Variants in PRKAG2 observed in about 807,000 individuals in gnomAD.
The protein encoded by PRKAG2 is protein kinase AMP-activated non-catalytic subunit gamma 2.
A neutral mutation model predicts 69.6 loss-of-function variants in PRKAG2; 26 were observed. The observed-to-expected ratio is 0.37, with a 90% confidence interval of 0.27 to 0.52. PRKAG2 has a LOEUF of 0.52. Among genes scored for constraint, PRKAG2 ranks in the 20% least tolerant of loss-of-function variants. PRKAG2 has a pLI of 0.90. For synonymous variants in PRKAG2, 293 were observed against 285.0 expected (o/e 1.03, Z -0.28); for missense variants, 557 against 740.0 (o/e 0.75, Z 2.87).
chr7:151,699,390 C>T lies in PRKAG2; in HGVS notation c.467-23753G>A, dbSNP rs1452066153. On this transcript the variant is annotated intron_variant, in intron 3 of 15. Coordinates refer to ENST00000287878, the MANE Select transcript of PRKAG2 (RefSeq NM_016203.4). The surrounding 1 kb of genome is among the most constrained non-coding windows in gnomAD (Gnocchi z 4.5). ...TTACGATCCGGTTACATCTCAGCCC[C>T]CTGCTGAGAAAGAGGCGCTAAGGTG... is the stretch of plus-strand genomic sequence containing the variant. Among the ~76,000 whole-genome samples, 1 of 152,168 alleles carries T rather than the reference C, an allele frequency of 6.6e-6. No individual in the cohort carries two copies. The highest frequency in any genetic ancestry group is 1.5e-5 in the Non-Finnish European group (1 of 68,040).
At position 151,709,640 on chromosome 7, in the gene PRKAG2, G is replaced by A. The variant is rs376096904; in HGVS notation, c.467-34003C>T. On this transcript the variant is annotated intron_variant, in intron 3 of 15. Coordinates refer to ENST00000287878, the MANE Select transcript of PRKAG2 (RefSeq NM_016203.4). ...GTGACACTGACACATGTGACTGTCA[G>A]TGACATGATATATGTGACACTGAAT... Among the ~76,000 whole-genome samples the A allele has an allele frequency of 1.5e-3, 224 of 152,294 alleles. 1 individual carries two copies. Among genetic ancestry groups the A allele is most frequent in the African/African-American group, 5.1e-3 (213 of 41,560 alleles).
chr7:151,753,189 C>G (rs749000432), intron 3 of PRKAG2, among the ~76,000 whole-genome samples: 2 of 152,198 alleles, frequency 1.3e-5, no homozygotes, highest in African/African-American at 2.4e-5. Flanking sequence ...GAAAGGACAA[C>G]GAAACAAAAC....
intron 11 of PRKAG2, chr7:151,566,624 T>C (rs1283619922): frequency 4.5e-6 from 2 of 444,270 alleles, no homozygotes; most frequent in African/African-American, 2.0e-5. Flanking sequence ...CTTATAATTA[T>C]CAGGAAAAGA....
intron 3 of PRKAG2, among the ~76,000 whole-genome samples, chr7:151,726,767 T>G (rs557725127): frequency 6.6e-6 from 1 of 151,080 alleles, no homozygotes; most frequent in African/African-American, 2.4e-5. Context: ...TGGGAGAGAG[T>G]ATGGGGAGCT....
intron 4 of PRKAG2, among the ~76,000 whole-genome samples, chr7:151,642,624 T>A (rs1826923524): frequency 6.6e-6 from 1 of 152,242 alleles, no homozygotes; most frequent in South Asian, 2.1e-4. Context: ...TGAATAACAA[T>A]TTCAGATGCT....
chr7:151,564,353 A>G, intron 13 of PRKAG2, 129 bp from the exon 14 acceptor site: 1 of 947,596 alleles, frequency 1.1e-6, no homozygotes, highest in African/African-American at 1.6e-5. Context: ...ACCTGCATAC[A>G]TCAGACGTTC....
chr7:151,871,557 C>T (rs896208477), intron 1 of PRKAG2, among the ~76,000 whole-genome samples: 4 of 152,328 alleles, frequency 2.6e-5, no homozygotes, highest in South Asian at 2.1e-4. Flanking sequence ...CCAAGCAAGG[C>T]GACACCTTCG....
rs184919758 is a variant in PRKAG2, at chr7:151,814,367, C to T, written c.115-27826G>A. On this transcript the variant is annotated intron_variant, in intron 1 of 15. Transcript: ENST00000287878. The surrounding 1 kb of genome is among the most constrained non-coding windows in gnomAD (Gnocchi z 4.8). Reference sequence around the variant, plus strand: ...AGGGGGAAAACCGCACACCCAGGGACGCACAATCACTATGCATTTAGAAAG... The same window carrying T: ...AGGGGGAAAACCGCACACCCAGGGATGCACAATCACTATGCATTTAGAAAG... The T allele has an allele frequency of 8.2e-4, 967 of 1,173,926 alleles. 1 individual carries two copies. The highest frequency in any genetic ancestry group is 9.4e-4 in the Non-Finnish European group (884 of 942,902). The allele number at this position is 1,173,926 out of a possible 1,614,324, so 72.7% of individuals were successfully genotyped here. A position where few individuals can be genotyped will look rare whatever the true frequency, so the allele number is the denominator to read the frequency against.
intron 6 of PRKAG2, among the ~76,000 whole-genome samples, chr7:151,582,071 C>T (rs955232525): frequency 5.9e-5 from 9 of 152,198 alleles, no homozygotes; most frequent in African/African-American, 2.2e-4. Context: ...GACACTGATG[C>T]TGCGTGGTCA....
chr7:151,727,936 C>T (rs1413671220), intron 3 of PRKAG2, among the ~76,000 whole-genome samples: 1 of 152,214 alleles, frequency 6.6e-6, no homozygotes, highest in Non-Finnish European at 1.5e-5. Context: ...CCTTCCTCCT[C>T]CTGCAGTCAT....
chr7:151,753,147 T>C (rs2074830993), intron 3 of PRKAG2, among the ~76,000 whole-genome samples: 1 of 152,232 alleles, frequency 6.6e-6, no homozygotes, highest in South Asian at 2.1e-4. Context: ...GAGACAGGAC[T>C]GAGGAGCTGT....
chr7:151,845,024 G>A (rs949164804), intron 1 of PRKAG2, among the ~76,000 whole-genome samples: 2 of 150,164 alleles, frequency 1.3e-5, no homozygotes, highest in African/African-American at 2.5e-5. Context: ...CAGGGATGGC[G>A]GCAGGCAGCC....
intron 4 of PRKAG2, chr7:151,674,801 G>A (rs1011305960): frequency 6.3e-6 from 1 of 158,676 alleles, no homozygotes; most frequent in African/African-American, 2.4e-5. Flanking sequence ...TATGAATACT[G>A]TAGTATCCCA....
chr7:151,716,040 G>C (rs948943698), intron 3 of PRKAG2, among the ~76,000 whole-genome samples: 12 of 152,190 alleles, frequency 7.9e-5, no homozygotes, highest in African/African-American at 2.7e-4. Flanking sequence ...GATGGAGCTC[G>C]ATTGCCCTTG....
chr7:151,830,559 T>C (rs2079000753), intron 1 of PRKAG2, among the ~76,000 whole-genome samples: 1 of 151,856 alleles, frequency 6.6e-6, no homozygotes, highest in Admixed American at 6.5e-5. Flanking sequence ...GCCCCTACAG[T>C]GTGACCTGAG....
chr7:151,746,776 T>A (rs2074308554), intron 3 of PRKAG2, among the ~76,000 whole-genome samples: 1 of 152,164 alleles, frequency 6.6e-6, no homozygotes, highest in Non-Finnish European at 1.5e-5. Context: ...GAGAGAGCGC[T>A]GGGCTCCACG....
chr7:151,602,644 T>C (rs1352164827), intron 5 of PRKAG2, among the ~76,000 whole-genome samples: 2 of 152,182 alleles, frequency 1.3e-5, no homozygotes, highest in African/African-American at 4.8e-5. Context: ...CATATCAGGT[T>C]CCCCCAAGTT....
rs576944262 is a variant in PRKAG2 at position 151,569,178 on chromosome 7, G to C, written c.1107-336C>G. On this transcript the variant is annotated intron_variant, in intron 10 of 15. Transcript: ENST00000287878. ...GATCCTCCCACCTCAGCCTATTTGA[G>C]TAGCTGGGACTACAGGCATGCGCCA... Among the ~76,000 whole-genome samples, 3 of 152,248 alleles carry C rather than the reference G, an allele frequency of 2.0e-5. No individual in the cohort carries two copies. In the East Asian group the frequency reaches 5.8e-4, roughly 29 times the overall value.
At chr7:151,851,474 G>T (rs1408516835) in intron 1 of PRKAG2, among the ~76,000 whole-genome samples, 1 of 152,248 alleles carries the variant, frequency 6.6e-6, no homozygotes, top group Non-Finnish European at 1.5e-5. Context: ...GCCCAGGCTG[G>T]TGCGGGGATC....
Sources: allele counts gnomAD v4.1 joint callset (sites outside exome capture counted in the v4.1 genomes callset), GRCh38; gene constraint gnomAD v4.1.1; non-coding constraint Gnocchi (gnomAD v3.1); transcripts MANE v1.5; gene names NCBI Gene and HGNC (gene_info 2026-07-23, HGNC 2026-07-21).